Variants in YWHAQ observed in about 807,000 individuals in gnomAD.
The protein encoded by YWHAQ is 14-3-3 protein theta.
YWHAQ carries 6 observed loss-of-function variants against 28.3 expected under a neutral mutation model. That is an observed-to-expected ratio of 0.21 (90% CI 0.12 to 0.42). The LOEUF (loss-of-function observed/expected upper bound fraction) is 0.42. YWHAQ is among the 10% of genes least tolerant of loss of function. The pLI, the probability that YWHAQ is intolerant of heterozygous loss-of-function variation, is 1.00. For missense variants in YWHAQ, 201 were observed against 305.6 expected, an observed-to-expected ratio of 0.66 and a Z score of 2.55; for synonymous variants, 143 against 119.1, an observed-to-expected ratio of 1.20 and a Z score of -1.31.
At chr2:9,611,232 A>G (rs1200564376) in intron 2 of YWHAQ, among the ~76,000 whole-genome samples, 1 of 152,214 alleles carries the variant, frequency 6.6e-6, no homozygotes. Flanking sequence ...GTCATTCAAC[A>G]TTTGAGCAGC....
intron 2 of YWHAQ, among the ~76,000 whole-genome samples, chr2:9,604,463 T>C (rs1666777549): frequency 6.6e-6 from 1 of 152,126 alleles, no homozygotes; most frequent in Non-Finnish European, 1.5e-5. Flanking sequence ...GGTTTTAGAG[T>C]ATGAGTTTAG....
At chr2:9,612,114 A>G (rs1014587410) in intron 2 of YWHAQ, among the ~76,000 whole-genome samples, 2 of 152,178 alleles carry the variant, frequency 1.3e-5, no homozygotes, top group African/African-American at 4.8e-5. Flanking sequence ...TACTGATTTC[A>G]CCTTTTCACA....
At chr2:9,629,904 G>A (rs567962081) in intron 2 of YWHAQ, among the ~76,000 whole-genome samples, 3 of 152,228 alleles carry the variant, frequency 2.0e-5, no homozygotes, top group Admixed American at 1.3e-4. Context: ...AGACCTACTT[G>A]GATGTTTCCA....
chr2:9,591,227 C>G (rs1251862026), intron 3 of YWHAQ, among the ~76,000 whole-genome samples, 165 bp downstream of exon 3: 3 of 152,106 alleles, frequency 2.0e-5, no homozygotes, highest in Non-Finnish European at 4.4e-5. Flanking sequence ...AATTTATAAT[C>G]CAATTTTCAT....
At chr2:9,610,708 A>C (rs1426283071) in intron 2 of YWHAQ, among the ~76,000 whole-genome samples, 1 of 152,062 alleles carries the variant, frequency 6.6e-6, no homozygotes, top group African/African-American at 2.4e-5. Context: ...GGGTTTCTCC[A>C]TGTTGGTCAG....
At position 9,630,538 on chromosome 2, in the gene YWHAQ, C is replaced by A; in HGVS notation, c.-82-4G>T. ...GCAGCGGGAGGAGCCTCGAGAGCTG[C>A]GGAGGGGCGGGGCGGCGAGGCGAGA... On this transcript the variant is annotated splice_polypyrimidine_tract_variant and splice_region_variant and intron_variant, in intron 1 of 5. Transcript: ENST00000238081. This position sits in a 1 kb window ranked among gnomAD's most constrained non-coding sequence, Gnocchi z 5.6. The A allele has an allele frequency of 7.5e-7, 1 of 1,326,414 alleles. No homozygotes were observed. Among genetic ancestry groups the A allele is most frequent in the Non-Finnish European group, 1.0e-6 (1 of 999,148 alleles). 82.2% of individuals were successfully genotyped at this position (1,326,414 alleles called of 1,614,324 possible). A position where few individuals can be genotyped will look rare whatever the true frequency, so the allele number is the denominator to read the frequency against.
intron 2 of YWHAQ, among the ~76,000 whole-genome samples, chr2:9,605,464 G>A (rs1666804817): frequency 6.6e-6 from 1 of 152,018 alleles, no homozygotes; most frequent in African/African-American, 2.4e-5. Context: ...CTCCTTCAGG[G>A]AATACTTTTT....
At chr2:9,619,050 T>C (rs987595273) in intron 2 of YWHAQ, among the ~76,000 whole-genome samples, 14 of 152,198 alleles carry the variant, frequency 9.2e-5, no homozygotes, top group African/African-American at 3.4e-4. Flanking sequence ...ATAATCTTAG[T>C]AGGTCCTTTA....
chr2:9,600,116 G>A (rs1321745732), intron 2 of YWHAQ, among the ~76,000 whole-genome samples: 1 of 152,200 alleles, frequency 6.6e-6, no homozygotes. Context: ...AACAGGAAGA[G>A]AAATACTAGA....
intron 2 of YWHAQ, among the ~76,000 whole-genome samples, chr2:9,592,673 C>T (rs998781821): frequency 2.0e-5 from 3 of 151,964 alleles, no homozygotes; most frequent in Admixed American, 1.3e-4. Flanking sequence ...TGCAGTGAGC[C>T]GAGATCATGC....
intron 2 of YWHAQ, among the ~76,000 whole-genome samples, chr2:9,617,396 T>C (rs1277507257): frequency 6.6e-6 from 1 of 152,142 alleles, no homozygotes; most frequent in African/African-American, 2.4e-5. Flanking sequence ...ATTCTATAAT[T>C]CCACTTATAT....
At chr2:9,605,496 T>C (rs532709524) in intron 2 of YWHAQ, among the ~76,000 whole-genome samples, 13 of 152,322 alleles carry the variant, frequency 8.5e-5, no homozygotes, top group African/African-American at 2.6e-4. Flanking sequence ...TCACTTGATA[T>C]GTCCAATTCT....
intron 2 of YWHAQ, among the ~76,000 whole-genome samples, chr2:9,604,668 C>T (rs909088420): frequency 1.2e-4 from 18 of 152,098 alleles, no homozygotes; most frequent in African/African-American, 4.3e-4. Context: ...TAAGGAGGGC[C>T]GGCTTTTTGA....
intron 2 of YWHAQ, among the ~76,000 whole-genome samples, chr2:9,610,271 C>T (rs1344428862): frequency 6.6e-6 from 1 of 152,178 alleles, no homozygotes. Context: ...TATCTACATG[C>T]TAATAACTCA....
At chr2:9,587,168 T>A (rs1666360994) in intron 5 of YWHAQ, among the ~76,000 whole-genome samples, 1 of 152,182 alleles carries the variant, frequency 6.6e-6, no homozygotes, top group African/African-American at 2.4e-5. Flanking sequence ...AACATCTTCA[T>A]CCCAATGAAA....
At chr2:9,599,578 C>T (rs1666646722) in intron 2 of YWHAQ, among the ~76,000 whole-genome samples, 1 of 152,218 alleles carries the variant, frequency 6.6e-6, no homozygotes, top group Non-Finnish European at 1.5e-5. Flanking sequence ...TCTGCCTGCA[C>T]TCTACAAATG....
chr2:9,596,683 A>G lies in YWHAQ; in HGVS notation c.295-5168T>C, dbSNP rs149236580. ...AATGGAGCATTTCTAAGAAAGATAA[A>G]GCCAAATCTAAGCTAGAGATTTTTT... is the stretch of plus-strand genomic sequence containing the variant. On this transcript the variant is annotated intron_variant, in intron 2 of 5. Coordinates refer to ENST00000238081, the MANE Select transcript of YWHAQ (RefSeq NM_006826.4). Among the ~76,000 whole-genome samples, 329 of 147,094 alleles carry G rather than the reference A, an allele frequency of 2.2e-3. 2 individuals are homozygous for G. Among genetic ancestry groups the G allele is most frequent in the African/African-American group, 8.1e-3 (314 of 38,916 alleles).
At chr2:9,599,058 G>A (rs1666634887) in intron 2 of YWHAQ, among the ~76,000 whole-genome samples, 1 of 152,192 alleles carries the variant, frequency 6.6e-6, no homozygotes, top group Admixed American at 6.5e-5. Context: ...AAGCAAAACA[G>A]ACTTATTGAT....
At chr2:9,616,687 T>C (rs1418717635) in intron 2 of YWHAQ, among the ~76,000 whole-genome samples, 2 of 151,982 alleles carry the variant, frequency 1.3e-5, no homozygotes, top group Non-Finnish European at 2.9e-5. Flanking sequence ...TAAAGGCCAA[T>C]AAGTACATGA....
Sources: allele counts gnomAD v4.1 joint callset (sites outside exome capture counted in the v4.1 genomes callset), GRCh38; gene constraint gnomAD v4.1.1; non-coding constraint Gnocchi (gnomAD v3.1); transcripts MANE v1.5; gene names NCBI Gene and HGNC (gene_info 2026-07-23, HGNC 2026-07-21).